ZPBP2: variants seen among roughly 807,000 people sequenced by gnomAD.
The protein encoded by ZPBP2 is zona pellucida-binding protein 2.
A neutral mutation model predicts 37.5 loss-of-function variants in ZPBP2; 34 were observed. The observed-to-expected ratio is 0.91, with a 90% CI of 0.69 to 1.21. The LOEUF is 1.21. Ranked by LOEUF, ZPBP2 falls within the 50% of genes most tolerant of loss-of-function variation. ZPBP2 has a pLI of 0.00. For missense variants in ZPBP2, 397 were observed against 413.5 expected, an observed-to-expected ratio of 0.96 and a Z score of 0.35; for synonymous variants, 143 against 138.4, an observed-to-expected ratio of 1.03 and a Z score of -0.23.
rs957025384 is a variant in ZPBP2, at chr17:39,876,996, C to G, written c.*187C>G. On this transcript the variant is annotated 3_prime_UTR_variant, in exon 8 of 8. Transcript: ENST00000348931. ...TAAGAAGGCATTTAATCCAGTATCT[C>G]TAGTGTACAAAGGAAACTTGAAGTT... The G allele has an allele frequency of 5.1e-6, 3 of 582,820 alleles. No individual in the cohort carries two copies. The highest frequency in any genetic ancestry group is 5.8e-6 in the Non-Finnish European group (2 of 345,688). The allele number at this position is 582,820 out of a possible 1,614,324, so 36.1% of individuals were successfully genotyped here.
intron 5 of ZPBP2, 88 bp from the exon 6 acceptor site, chr17:39,872,956 C>A: frequency 1.8e-6 from 2 of 1,135,972 alleles, no homozygotes. Flanking sequence ...TGCCTGCATG[C>A]ACATGGAATT....
In ZPBP2 at chr17:39,877,052, T is replaced by A; in HGVS notation, c.*243T>A. The stretch of plus-strand genomic sequence containing the variant: ...GGATTATTTTTAATGAAATGTTTTA[T>A]TGTTTACAAACGGTATGTTGCTGTG... On this transcript the variant is annotated 3_prime_UTR_variant, in exon 8 of 8. Transcript: ENST00000348931. 2.6e-6 allele frequency: 1 copy of A among 377,874 alleles called. No homozygotes were observed. Among genetic ancestry groups the A allele is most frequent in the South Asian group, 2.7e-5 (1 of 36,550 alleles). The allele number at this position is 377,874 out of a possible 1,614,324, so 23.4% of individuals were successfully genotyped here.
chr17:39,875,900 T>C (rs892537401), intron 7 of ZPBP2, among the ~76,000 whole-genome samples: 4 of 112,298 alleles, frequency 3.6e-5, no homozygotes, highest in African/African-American at 1.3e-4. Flanking sequence ...TTTTTTTTTT[T>C]TTTTTTTTTT....
intron 6 of ZPBP2, among the ~76,000 whole-genome samples, chr17:39,873,691 G>A (rs1161956184): frequency 6.6e-6 from 1 of 152,108 alleles, no homozygotes; most frequent in Non-Finnish European, 1.5e-5. Context: ...ATTAAATAGT[G>A]GCTTAAAGAA....
intron 6 of ZPBP2, 38 bp downstream of exon 6, chr17:39,873,164 TTC>T: frequency 1.3e-6 from 2 of 1,589,656 alleles, no homozygotes; most frequent in Non-Finnish European, 8.6e-7. Context: ...ATTTGTCTTT[TTC>T]TTTTTTTAGA....
intron 5 of ZPBP2, 41 bp downstream of exon 5, chr17:39,872,529 G>T: frequency 7.7e-7 from 1 of 1,293,676 alleles, no homozygotes; most frequent in Non-Finnish European, 1.1e-6. Flanking sequence ...ATTTAGTCCT[G>T]AACCATAATA....
At chr17:39,871,368 A>C (rs569053500) in intron 3 of ZPBP2, 96 bp from the exon 4 acceptor site, 1 of 807,456 alleles carries the variant, frequency 1.2e-6, no homozygotes, top group Non-Finnish European at 1.8e-6. Context: ...ATAGTTCATT[A>C]ATTTTTAAAA....
intron 2 of ZPBP2, among the ~76,000 whole-genome samples, 193 bp from the exon 3 acceptor site, chr17:39,870,501 T>C (rs1341625337): frequency 6.6e-6 from 1 of 152,248 alleles, no homozygotes; most frequent in Non-Finnish European, 1.5e-5. Flanking sequence ...ACTAACAGTG[T>C]AGAGTTTTAA....
At chr17:39,875,612 T>G (rs36095411) in intron 7 of ZPBP2, among the ~76,000 whole-genome samples, 178 bp downstream of exon 7, 52,132 of 151,414 alleles carry the variant, frequency 0.34, 10,400 homozygotes, top group Non-Finnish European at 0.44. Context: ...TTTTTTGTTT[T>G]TTTTGAGATA....
At chr17:39,876,628 T>G (rs1246601090) in intron 7 of ZPBP2, 54 bp from the exon 8 acceptor site, 2 of 1,599,508 alleles carry the variant, frequency 1.3e-6, no homozygotes, top group Non-Finnish European at 1.7e-6. Flanking sequence ...CTCCAAGTAG[T>G]AGAGGCATAA....
intron 3 of ZPBP2, 136 bp from the exon 4 acceptor site, chr17:39,871,328 T>C (rs1202768340): frequency 3.6e-6 from 2 of 562,228 alleles, no homozygotes; most frequent in Non-Finnish European, 6.0e-6. Context: ...TATGACAGAA[T>C]TAAGATTTTG....
chr17:39,872,428 T>C lies in ZPBP2; in HGVS notation c.565T>C (p.Cys189Arg). Residue 189 changes from cysteine to arginine, a missense_variant, in exon 5 of 8, where the codon TGC becomes CGC. Coordinates refer to ENST00000348931, the MANE Select transcript of ZPBP2 (RefSeq NM_199321.3). ...SCHVIEPSYK[C>R]HSVEIPEHGL... ...CCATGTCATAGAGCCATCATATAAA[T>C]GCCATTCTGTTGAAATTCCAGAACA... The C allele has an allele frequency of 6.2e-7, 1 of 1,613,324 alleles. No individual in the cohort carries two copies. Among genetic ancestry groups the C allele is most frequent in the Non-Finnish European group, 8.5e-7 (1 of 1,179,790 alleles).
chr17:39,873,204 A>G (rs2063373639), intron 6 of ZPBP2, 78 bp downstream of exon 6: 11 of 1,353,966 alleles, frequency 8.1e-6, no homozygotes. Context: ...GCTGGAGTGC[A>G]GTGGTGCGAC....
Position 39,868,221 on chromosome 17 carries a change from T to A in ZPBP2, c.-134T>A, listed in dbSNP as rs527794843. On this transcript the variant is annotated 5_prime_UTR_variant, in exon 1 of 8. Coordinates refer to ENST00000348931, the MANE Select transcript of ZPBP2 (RefSeq NM_199321.3). ...TCTCCTGCGCGTCCGCTCCCGCCGTTGCGACGGACGGGTAGGGGAGGCGAC... is the reference window on the plus strand; with the variant it reads ...TCTCCTGCGCGTCCGCTCCCGCCGTAGCGACGGACGGGTAGGGGAGGCGAC... The A allele has an allele frequency of 5.9e-5, 57 of 958,622 alleles. No homozygotes were observed. The highest frequency in any genetic ancestry group is 5.4e-4 in the Admixed American group (23 of 42,418). The allele number at this position is 958,622 out of a possible 1,614,324, so 59.4% of individuals were successfully genotyped here. A position where few individuals can be genotyped will look rare whatever the true frequency, so the allele number is the denominator to read the frequency against.
chr17:39,872,846 A>T (rs1441619575), intron 5 of ZPBP2, among the ~76,000 whole-genome samples, 198 bp from the exon 6 acceptor site: 1 of 152,246 alleles, frequency 6.6e-6, no homozygotes, highest in Non-Finnish European at 1.5e-5. Flanking sequence ...CCTTGTAGTT[A>T]CTTACATTAG....
chr17:39,868,763 C>A (rs960549038), intron 2 of ZPBP2, 149 bp downstream of exon 2: 5 of 850,476 alleles, frequency 5.9e-6, no homozygotes, highest in Admixed American at 5.0e-5. Flanking sequence ...TCACGACGGT[C>A]GCATTTTTTC....
chr17:39,875,304 C>T lies in ZPBP2; in HGVS notation c.759C>T (p.Tyr253=), dbSNP rs755064035. The part of the protein sequence containing the change: ...DFFRSQAYIF[Y]HNFNKTLPAM... The stretch of plus-strand genomic sequence containing the variant: ...TTCGGAGCCAAGCATATATTTTCTA[C>T]CATAACTTTAATAAAACTCTACCAG... Residue 253 remains tyrosine, a synonymous_variant, in exon 7 of 8, where the codon TAC becomes TAT. Coordinates refer to ENST00000348931, the MANE Select transcript of ZPBP2 (RefSeq NM_199321.3). 8.1e-6 allele frequency: 13 copies of T among 1,613,794 alleles called. No individual in the cohort carries two copies. Among genetic ancestry groups the T allele is most frequent in the African/African-American group, 2.7e-5 (2 of 74,906 alleles).
At chr17:39,870,076 C>G (rs1270894397) in intron 2 of ZPBP2, among the ~76,000 whole-genome samples, 1 of 152,020 alleles carries the variant, frequency 6.6e-6, no homozygotes, top group Non-Finnish European at 1.5e-5. Context: ...GGGAGTCTTG[C>G]TCTGTTGCCC....
chr17:39,870,726 C>T lies in ZPBP2; in HGVS notation c.151C>T (p.Pro51Ser), dbSNP rs905710767. The change falls in exon 3 of 8, where the codon CCA (proline) becomes TCA (serine). Residue 51 changes from proline (P) to serine (S), a missense_variant. Physicochemically the swap from Pro to Ser is moderately conservative, Grantham distance 74. Coordinates refer to ENST00000348931, the MANE Select transcript of ZPBP2 (RefSeq NM_199321.3). ...KIYVELHQNS[P>S]VLICMDFKLS... ...ATATGTAGAGTTACATCAAAATAGT[C>T]CAGTCCTTATCTGTATGGATTTTAA... The T allele has an allele frequency of 4.6e-6, 7 of 1,514,436 alleles. No individual in the cohort carries two copies. The highest frequency in any genetic ancestry group is 5.4e-6 in the Non-Finnish European group (6 of 1,113,400). The allele number at this position is 1,514,436 out of a possible 1,614,324, so 93.8% of individuals were successfully genotyped here. A position where few individuals can be genotyped will look rare whatever the true frequency, so the allele number is the denominator to read the frequency against.
Sources: allele counts gnomAD v4.1 joint callset (sites outside exome capture counted in the v4.1 genomes callset), GRCh38; gene constraint gnomAD v4.1.1; transcripts MANE v1.5; gene names NCBI Gene and HGNC (gene_info 2026-07-23, HGNC 2026-07-21).